Variants in STARD9 observed in about 807,000 individuals in gnomAD.
The protein encoded by STARD9 is StAR related lipid transfer domain containing 9.
STARD9 carries 346 observed loss-of-function variants against 399.8 expected under a neutral mutation model. The observed-to-expected ratio is 0.87, with a 90% CI of 0.79 to 0.95. The LOEUF is 0.95. Ranked by LOEUF, STARD9 falls within the 40% of genes least tolerant of loss-of-function variation. The pLI is 0.00. For synonymous variants in STARD9, 2,203 were observed against 2,143.5 expected (o/e 1.03, Z -0.77); for missense variants, 5,832 against 5,667.5 (o/e 1.03, Z -0.93).
At chr15:42,716,891 C>A in intron 27 of STARD9, 36 bp from the exon 28 acceptor site, 1 of 1,536,510 alleles carries the variant, frequency 6.5e-7, no homozygotes, top group Non-Finnish European at 8.7e-7. Context: ...CCCTGATGTT[C>A]AGTGCTATCA....
chr15:42,633,485 G>T (rs1323432080), intron 3 of STARD9, among the ~76,000 whole-genome samples: 1 of 152,112 alleles, frequency 6.6e-6, no homozygotes, highest in Non-Finnish European at 1.5e-5. Flanking sequence ...CACACACTTG[G>T]CACTTCTACC....
At chr15:42,591,442 C>T (rs1018573412) in intron 3 of STARD9, among the ~76,000 whole-genome samples, 4 of 151,248 alleles carry the variant, frequency 2.6e-5, no homozygotes, top group South Asian at 2.1e-4. Context: ...AAGCCGAGAT[C>T]GCACCACTGC....
At chr15:42,598,426 A>T (rs2141733730) in intron 3 of STARD9, among the ~76,000 whole-genome samples, 1 of 151,768 alleles carries the variant, frequency 6.6e-6, no homozygotes. Context: ...TGAGATTATA[A>T]ATGTATTCAT....
chr15:42,716,992 T>G lies in STARD9; in HGVS notation c.13438T>G (p.Phe4480Val). The change falls in exon 28 of 33, where the codon TTT becomes GTT. Residue 4480 changes from phenylalanine (F) to valine (V), a missense_variant. By Grantham distance (50) the Phe-to-Val change is conservative. Around this residue, in one of 2 missense-constraint regions of STARD9, gnomAD observed 5,828 missense variants for 5,651.1 expected, o/e 1.03. Transcript: ENST00000290607. Reference sequence around the variant, plus strand: ...CAGTCTGTCCAGCTTGGGGACCTGCTTTTCCTCCTCCTACCAGGATTTGGC... The same window carrying G: ...CAGTCTGTCCAGCTTGGGGACCTGCGTTTCCTCCTCCTACCAGGATTTGGC... ...PSSLSSLGTCFSSSYQDLAKH... is the reference protein window; with the variant it reads ...PSSLSSLGTCVSSSYQDLAKH... The G allele has an allele frequency of 6.5e-7, 1 of 1,537,196 alleles. No individual in the cohort carries two copies. Among genetic ancestry groups the G allele is most frequent in the East Asian group, 2.4e-5 (1 of 40,908 alleles).
At chr15:42,625,647 A>AATTTTT (rs2059190342) in intron 3 of STARD9, among the ~76,000 whole-genome samples, 1 of 138,592 alleles carries the variant, frequency 7.2e-6, no homozygotes, top group Non-Finnish European at 1.5e-5. Flanking sequence ...TCTTCTTCCT[A>AATTTTT]TTTTTTTTTT....
At chr15:42,703,372 T>G (rs1198097444) in intron 26 of STARD9, among the ~76,000 whole-genome samples, 6 of 151,862 alleles carry the variant, frequency 4.0e-5, no homozygotes, top group African/African-American at 9.7e-5. Context: ...TGTTTGTTTT[T>G]TTTTTTTTTA....
intron 3 of STARD9, among the ~76,000 whole-genome samples, chr15:42,607,685 C>A (rs192217223): frequency 1.1e-3 from 167 of 149,714 alleles, no homozygotes; most frequent in Middle Eastern, 6.8e-3. Flanking sequence ...CACACACACA[C>A]AAATATATAT....
At chr15:42,608,389 T>C (rs967669843) in intron 3 of STARD9, among the ~76,000 whole-genome samples, 5 of 152,170 alleles carry the variant, frequency 3.3e-5, no homozygotes, top group East Asian at 3.8e-4. Flanking sequence ...AAGAATGATA[T>C]GGGCTTCACC....
At chr15:42,669,653 C>A (rs555035285) in intron 16 of STARD9, 2 of 226,854 alleles carry the variant, frequency 8.8e-6, no homozygotes, top group African/African-American at 2.2e-5. Flanking sequence ...TATCATATTC[C>A]TTTTCTGGCT....
Position 42,689,216 on chromosome 15 carries a change from C to T in STARD9, c.7638C>T (p.Ser2546=). The T allele has an allele frequency of 2.0e-6, 3 of 1,537,316 alleles. No homozygotes were observed. The highest frequency in any genetic ancestry group is 1.7e-4 in the Middle Eastern group (1 of 5,990). ...TGTTGGAGCCCTCTGACCATGCATC[C>T]ATGTGCCTGGCCATCTTGGAGGAGA... ...PRLLEPSDHA[S]MCLAILEEIR... is the part of the protein sequence containing the mutation. The change falls in exon 23 of 33, where the codon TCC becomes TCT. Residue 2546 remains serine, a synonymous_variant. Transcript: ENST00000290607.
In STARD9 at chr15:42,719,509, C is replaced by T; in HGVS notation, c.14038C>T (p.Leu4680=). The T allele has an allele frequency of 6.5e-7, 1 of 1,537,272 alleles. No individual in the cohort carries two copies. The highest frequency in any genetic ancestry group is 8.7e-7 in the Non-Finnish European group (1 of 1,146,896). The change falls in exon 33 of 33, where the codon CTG becomes TTG. Residue 4680 remains leucine (L), a synonymous_variant. Coordinates refer to ENST00000290607, the MANE Select transcript of STARD9 (RefSeq NM_020759.3). ...TGCTCCAGGCTTCCCACCTCAGCTC[C>T]TGAGCTCTTTCATCAAACGGCAGCC... The part of the protein sequence containing the change: ...LGAPGFPPQL[L]SSFIKRQPLV...
At chr15:42,617,588 G>A (rs1422752213) in intron 3 of STARD9, among the ~76,000 whole-genome samples, 3 of 152,078 alleles carry the variant, frequency 2.0e-5, no homozygotes, top group African/African-American at 4.8e-5. Context: ...GCTTTCAATG[G>A]GGGGAATGTG....
In STARD9 at chr15:42,687,627, C is replaced by T; in HGVS notation, c.6049C>T (p.Pro2017Ser). Residue 2017 changes from proline to serine, a missense_variant, in exon 23 of 33, where the codon CCC (proline) becomes TCC (serine). Pro to Ser is a moderately conservative substitution (Grantham distance 74, BLOSUM62 -1). Transcript: ENST00000290607. ...AGTTGCATGCCCTCAGGAAAGAAAC[C>T]CCAGTGAATGCAAGTCACAAGAAAT... The part of the protein sequence containing the change: ...QLVACPQERN[P>S]SECKSQEMLN... 2 of 1,536,962 alleles carry T rather than the reference C, an allele frequency of 1.3e-6. No homozygotes were observed. Among genetic ancestry groups the T allele is most frequent in the South Asian group, 2.4e-5 (2 of 84,050 alleles).
chr15:42,612,990 G>GA (rs60332578), intron 3 of STARD9, among the ~76,000 whole-genome samples: 65,105 of 118,872 alleles, frequency 0.55, 18,741 homozygotes, highest in East Asian at 0.72. Context: ...TCTCAGAGGG[G>GA]AAAAAAAAAA....
In STARD9 at chr15:42,698,951, T is replaced by C. The variant is rs559261783; in HGVS notation, c.13284+3071T>C. Among the ~76,000 whole-genome samples the C allele has an allele frequency of 4.6e-5, 7 of 152,270 alleles. No homozygotes were observed. The East Asian group carries it at 1.3e-3, about 29-fold the overall frequency. Reference sequence around the variant, plus strand: ...GCTTAGAATAGATTCTACCCTGCGGTAGTGTTAGTCCACCACTACCCTCAT... The same window carrying C: ...GCTTAGAATAGATTCTACCCTGCGGCAGTGTTAGTCCACCACTACCCTCAT... On this transcript the variant is annotated intron_variant, in intron 26 of 32. Coordinates refer to ENST00000290607, the MANE Select transcript of STARD9 (RefSeq NM_020759.3).
intron 26 of STARD9, among the ~76,000 whole-genome samples, chr15:42,708,637 A>G (rs2061140950): frequency 6.6e-6 from 1 of 151,468 alleles, no homozygotes; most frequent in African/African-American, 2.4e-5. Context: ...CGTGGTTAGT[A>G]ATTTTTTGGA....
chr15:42,684,038 C>T, intron 22 of STARD9, 78 bp from the exon 23 acceptor site: 1 of 1,429,086 alleles, frequency 7.0e-7, no homozygotes, highest in Non-Finnish European at 9.3e-7. Flanking sequence ...GTGACACTGG[C>T]CTTGTTTTTA....
chr15:42,660,951 GT>G (rs59202724), intron 9 of STARD9, among the ~76,000 whole-genome samples: 36,725 of 143,988 alleles, frequency 0.26, 5,225 homozygotes, highest in African/African-American at 0.41. Context: ...TTTTTGTTTT[GT>G]TTTTTTTTTT....
intron 10 of STARD9, 95 bp downstream of exon 10, chr15:42,661,320 C>A: frequency 3.4e-6 from 3 of 881,756 alleles, no homozygotes; most frequent in Non-Finnish European, 3.6e-6. Context: ...TTCAGTCATC[C>A]TGAGAGTATT....
Sources: allele counts gnomAD v4.1 joint callset (sites outside exome capture counted in the v4.1 genomes callset), GRCh38; gene constraint gnomAD v4.1.1; regional missense constraint gnomAD v4.1.1; transcripts MANE v1.5; gene names NCBI Gene and HGNC (gene_info 2026-07-23, HGNC 2026-07-21).